SKI: variants seen among roughly 807,000 people sequenced by gnomAD.
The protein encoded by SKI is SKI proto-oncogene, also known as ski oncogene.
A neutral mutation model predicts 59.3 loss-of-function variants in SKI; 23 were observed. The ratio of observed to expected loss-of-function variants is 0.39; its 90% CI spans 0.28 to 0.55. SKI has a LOEUF of 0.55. Among genes scored for constraint, SKI ranks in the 20% least tolerant of loss-of-function variants. SKI has a pLI of 0.67. For synonymous variants in SKI, 673 were observed against 488.6 expected, an observed-to-expected ratio of 1.38 and a Z score of -4.98; for missense variants, 1,017 against 1,038.9, an observed-to-expected ratio of 0.98 and a Z score of 0.29.
chr1:2,230,285 T>C (rs1638604923), intron 1 of SKI, among the ~76,000 whole-genome samples: 1 of 152,178 alleles, frequency 6.6e-6, no homozygotes, highest in Admixed American at 6.5e-5. Flanking sequence ...GTTTGGTGCC[T>C]TGAAGTTTTG....
At position 2,303,062 on chromosome 1, in the gene SKI, C is replaced by A. The variant is rs755862763; in HGVS notation, c.1054C>A (p.Pro352Thr). 4 of 1,613,662 alleles carry A rather than the reference C, an allele frequency of 2.5e-6. No individual in the cohort carries two copies. The East Asian group carries it at 8.9e-5, about 36-fold the overall frequency. The change falls in exon 2 of 7, where the codon CCG becomes ACG. Residue 352 changes from proline (P) to threonine (T), a missense_variant. Coordinates refer to ENST00000378536, the MANE Select transcript of SKI (RefSeq NM_003036.4). The surrounding 1 kb of genome is among the most constrained non-coding windows in gnomAD (Gnocchi z 5.6). Reference protein sequence around the residue: ...QSPAPSEKDKPSSWLRTLAGS... With the variant: ...QSPAPSEKDKTSSWLRTLAGS... ...CCCCGCGCCTTCCGAAAAGGACAAG[C>A]CGTCCAGCTGGCTGCGGACCTTGGC...
At chr1:2,231,134 T>C (rs1202447308) in intron 1 of SKI, among the ~76,000 whole-genome samples, 2 of 151,934 alleles carry the variant, frequency 1.3e-5, no homozygotes, top group Non-Finnish European at 2.9e-5. Context: ...TTGGTTGGGG[T>C]GGGCCCGATG....
intron 1 of SKI, among the ~76,000 whole-genome samples, chr1:2,247,816 G>C (rs1371881535): frequency 1.3e-5 from 2 of 152,222 alleles, no homozygotes; most frequent in African/African-American, 4.8e-5. Flanking sequence ...AGTCCAGTCT[G>C]GCTCTCGGGA....
At chr1:2,231,669 C>A (rs866719724) in intron 1 of SKI, among the ~76,000 whole-genome samples, 1 of 152,244 alleles carries the variant, frequency 6.6e-6, no homozygotes, top group Non-Finnish European at 1.5e-5. Context: ...GCCATACTGA[C>A]GACGTGCACG....
intron 1 of SKI, among the ~76,000 whole-genome samples, chr1:2,274,488 G>A (rs999520174): frequency 6.6e-6 from 1 of 152,200 alleles, no homozygotes; most frequent in African/African-American, 2.4e-5. Context: ...CCGAGGGCCC[G>A]TGTCCTGGTC....
At chr1:2,246,745 G>T (rs565868900) in intron 1 of SKI, among the ~76,000 whole-genome samples, 46 of 151,910 alleles carry the variant, frequency 3.0e-4, no homozygotes, top group African/African-American at 1.1e-3. Flanking sequence ...AGTGCCATTG[G>T]GGGAGGGAGT....
At chr1:2,261,692 C>T (rs1482462431) in intron 1 of SKI, among the ~76,000 whole-genome samples, 1 of 152,200 alleles carries the variant, frequency 6.6e-6, no homozygotes, top group Non-Finnish European at 1.5e-5. Flanking sequence ...GCAGTAAAAG[C>T]AGTTTCACTT....
chr1:2,258,489 G>A (rs1214308601), intron 1 of SKI, among the ~76,000 whole-genome samples: 1 of 151,914 alleles, frequency 6.6e-6, no homozygotes, highest in Non-Finnish European at 1.5e-5. Context: ...AGGTTTATCA[G>A]GAGTGTCATT....
chr1:2,249,650 C>T (rs538535117), intron 1 of SKI, among the ~76,000 whole-genome samples: 140 of 152,300 alleles, frequency 9.2e-4, no homozygotes, highest in African/African-American at 2.4e-3. Context: ...GGGCCAAAAG[C>T]GTGGAGGAGG....
At chr1:2,258,560 T>G (rs1417309290) in intron 1 of SKI, among the ~76,000 whole-genome samples, 3 of 151,646 alleles carry the variant, frequency 2.0e-5, no homozygotes, top group African/African-American at 7.3e-5. Context: ...TGTTTTTTTT[T>G]GTTTTTGTTT....
chr1:2,294,618 C>G (rs868470798), intron 1 of SKI, among the ~76,000 whole-genome samples: 11 of 152,390 alleles, frequency 7.2e-5, no homozygotes, highest in Admixed American at 1.3e-4. Flanking sequence ...GATGCCAGCC[C>G]CTTGGTCTTG....
At chr1:2,259,583 A>C (rs952689457) in intron 1 of SKI, among the ~76,000 whole-genome samples, 1 of 152,244 alleles carries the variant, frequency 6.6e-6, no homozygotes, top group African/African-American at 2.4e-5. Flanking sequence ...TAAGCTGCGT[A>C]TATTTAAAGA....
At chr1:2,264,100 C>A (rs1001985563) in intron 1 of SKI, among the ~76,000 whole-genome samples, 1 of 152,002 alleles carries the variant, frequency 6.6e-6, no homozygotes, top group Non-Finnish European at 1.5e-5. Flanking sequence ...GCTATATAGA[C>A]TATTCAGTTT....
chr1:2,302,460 C>T (rs540968664), intron 1 of SKI, among the ~76,000 whole-genome samples: 8 of 152,284 alleles, frequency 5.3e-5, no homozygotes, highest in African/African-American at 1.2e-4. Context: ...GTCCCCTCCC[C>T]GCGACCACCC....
rs1033270344 is a variant in SKI at position 2,229,924 on chromosome 1, C to T, written c.969+189C>T. 5.9e-5 allele frequency among the ~76,000 whole-genome samples: 9 copies of T among 152,288 alleles called. No homozygotes were observed. Among genetic ancestry groups the T allele is most frequent in the Middle Eastern group, 3.4e-3 (1 of 294 alleles). On this transcript the variant is annotated intron_variant, in intron 1 of 6. Transcript: ENST00000378536. This position sits in a 1 kb window ranked among gnomAD's most constrained non-coding sequence, Gnocchi z 6.3. ...AGGGCCAGAGAGTTTGGTAGGAAGG[C>T]CCTCCTGCCCGTTCCCCAGGACGAG... is the stretch of plus-strand genomic sequence containing the variant.
At position 2,229,408 on chromosome 1, in the gene SKI, C is replaced by T. The variant is rs764842901; in HGVS notation, c.642C>T (p.Ser214=). 6.2e-7 allele frequency: 1 copy of T among 1,609,408 alleles called. No individual in the cohort carries two copies. The highest frequency in any genetic ancestry group is 8.5e-7 in the Non-Finnish European group (1 of 1,178,280). ...GCCTGGCGCTGGGCCTGGAGCTCAG[C>T]GAGCGCAGCGTCCGCGTGTACCACG... ...AASLALGLEL[S]ERSVRVYHEC... Residue 214 remains serine (S), a synonymous_variant, in exon 1 of 7, where the codon AGC becomes AGT. Coordinates refer to ENST00000378536, the MANE Select transcript of SKI (RefSeq NM_003036.4). The surrounding 1 kb of genome is among the most constrained non-coding windows in gnomAD (Gnocchi z 6.3).
intron 1 of SKI, among the ~76,000 whole-genome samples, chr1:2,244,553 C>T (rs1014877364): frequency 6.6e-6 from 1 of 152,138 alleles, no homozygotes; most frequent in African/African-American, 2.4e-5. Context: ...GTACTACAGC[C>T]TGGGTGACAG....
intron 5 of SKI, among the ~76,000 whole-genome samples, chr1:2,305,592 G>A (rs747011106): frequency 6.6e-6 from 1 of 152,224 alleles, no homozygotes; most frequent in Non-Finnish European, 1.5e-5. Flanking sequence ...GGGGGGGCTT[G>A]CGGAGGCGCC....
At position 2,254,533 on chromosome 1, in the gene SKI, G is replaced by A. The variant is rs76673586; in HGVS notation, c.969+24798G>A. Among the ~76,000 whole-genome samples the A allele has an allele frequency of 2.0e-4, 30 of 152,354 alleles. No individual in the cohort carries two copies. The East Asian group carries it at 5.8e-3, about 29-fold the overall frequency. On this transcript the variant is annotated intron_variant, in intron 1 of 6. Transcript: ENST00000378536. ...TTTACTTGATACTCAGTCTGGGTGC[G>A]TTGAAGACGCGGCCTCTGGCTGTCA...
Sources: allele counts gnomAD v4.1 joint callset (sites outside exome capture counted in the v4.1 genomes callset), GRCh38; gene constraint gnomAD v4.1.1; non-coding constraint Gnocchi (gnomAD v3.1); transcripts MANE v1.5; gene names NCBI Gene and HGNC (gene_info 2026-07-23, HGNC 2026-07-21).